Variants in LRRTM4 observed in about 807,000 individuals in gnomAD.
The protein encoded by LRRTM4 is leucine rich repeat transmembrane neuronal 4.
Under a neutral mutation model 47.6 loss-of-function variants are expected in LRRTM4, and 25 were observed. That is an observed-to-expected ratio of 0.53 (90% CI 0.38 to 0.73). The LOEUF (loss-of-function observed/expected upper bound fraction) is 0.73. Ranked by LOEUF, LRRTM4 falls within the 30% of genes least tolerant of loss-of-function variation. LRRTM4 has a pLI of 0.00. For synonymous variants in LRRTM4, 311 were observed against 269.5 expected (o/e 1.15, Z -1.51); for missense variants, 638 against 713.4 (o/e 0.89, Z 1.20).
At chr2:77,520,553 G>A (rs1312198674) in intron 2 of LRRTM4, among the ~76,000 whole-genome samples, 1 of 152,054 alleles carries the variant, frequency 6.6e-6, no homozygotes, top group Non-Finnish European at 1.5e-5. Context: ...CGATACAGGA[G>A]CTAAGACATC....
chr2:77,142,457 ACTT>A (rs1198501968), intron 3 of LRRTM4, among the ~76,000 whole-genome samples: 2 of 146,758 alleles, frequency 1.4e-5, no homozygotes, highest in East Asian at 4.1e-4. Context: ...ACACACACAC[ACTT>A]ATCTCAAAGG....
At chr2:76,840,670 C>T (rs989538314) in intron 3 of LRRTM4, among the ~76,000 whole-genome samples, 4 of 152,130 alleles carry the variant, frequency 2.6e-5, no homozygotes, top group African/African-American at 4.8e-5. Flanking sequence ...ATCATTTCTC[C>T]ACTTTGTATG....
At chr2:77,161,481 A>G (rs1166677198) in intron 3 of LRRTM4, among the ~76,000 whole-genome samples, 2 of 152,116 alleles carry the variant, frequency 1.3e-5, no homozygotes, top group Non-Finnish European at 2.9e-5. Context: ...ACTCTTCTTT[A>G]TAGTGATACT....
intron 3 of LRRTM4, among the ~76,000 whole-genome samples, chr2:76,801,676 A>T (rs4340547): frequency 0.3 from 44,699 of 151,264 alleles, 7,580 homozygotes; most frequent in East Asian, 0.57. Flanking sequence ...AAAAAAAAAG[A>T]AAAGTACAGG....
intron 3 of LRRTM4, among the ~76,000 whole-genome samples, chr2:76,825,833 A>T (rs191661046): frequency 1.4e-4 from 22 of 151,794 alleles, no homozygotes; most frequent in Non-Finnish European, 3.0e-5. Context: ...AAAGTGCTGG[A>T]AAAGAAAAAT....
chr2:77,283,467 T>C (rs1676561450), intron 3 of LRRTM4, among the ~76,000 whole-genome samples: 1 of 151,286 alleles, frequency 6.6e-6, no homozygotes, highest in Non-Finnish European at 1.5e-5. Flanking sequence ...ATCCCATTAC[T>C]GTGTATGTAT....
At chr2:77,190,993 T>C (rs1673654558) in intron 3 of LRRTM4, among the ~76,000 whole-genome samples, 4 of 152,160 alleles carry the variant, frequency 2.6e-5, no homozygotes. Context: ...ATTAGGTTGG[T>C]GTGAAATTAA....
At chr2:77,149,333 T>C (rs1250380040) in intron 3 of LRRTM4, among the ~76,000 whole-genome samples, 6 of 152,148 alleles carry the variant, frequency 3.9e-5, no homozygotes, top group African/African-American at 1.4e-4. Context: ...AATTTGTATG[T>C]TGTTGCTACT....
At chr2:77,463,940 T>C (rs1386188137) in intron 3 of LRRTM4, among the ~76,000 whole-genome samples, 1 of 152,140 alleles carries the variant, frequency 6.6e-6, no homozygotes, top group African/African-American at 2.4e-5. Flanking sequence ...TAGTTAACAA[T>C]TTTTTGAGTA....
chr2:77,264,146 G>C (rs78868870), intron 3 of LRRTM4, among the ~76,000 whole-genome samples: 6,424 of 152,094 alleles, frequency 0.042, 237 homozygotes, highest in African/African-American at 0.1. Flanking sequence ...AGAATGGGTG[G>C]CTTCAACAAC....
intron 3 of LRRTM4, among the ~76,000 whole-genome samples, chr2:76,941,739 T>C (rs1675150167): frequency 6.6e-6 from 1 of 152,222 alleles, no homozygotes; most frequent in South Asian, 2.1e-4. Flanking sequence ...TGGTTCCAAG[T>C]CTTTGCTATT....
chr2:77,234,506 T>C (rs536809769), intron 3 of LRRTM4, among the ~76,000 whole-genome samples: 19 of 152,316 alleles, frequency 1.2e-4, no homozygotes, highest in Admixed American at 2.0e-4. Context: ...TTAACAAGTA[T>C]ATTAAAAATT....
Position 77,388,161 on chromosome 2 carries a change from TA to T in LRRTM4, c.1551+130156del, listed in dbSNP as rs932431264. 7.5e-4 allele frequency among the ~76,000 whole-genome samples: 110 copies of T among 147,280 alleles called. 1 individual carries two copies. The highest frequency in any genetic ancestry group is 3.4e-3 in the Middle Eastern group (1 of 290). On this transcript the variant is annotated intron_variant, in intron 3 of 3. Transcript: ENST00000409884. ...AAGTCAGATTAGTTACTTCAATCTT[TA>T]AAAAAAAAAAAAAGTCAGGGTTCCT...
At chr2:77,194,557 C>T (rs920054384) in intron 3 of LRRTM4, among the ~76,000 whole-genome samples, 2 of 152,156 alleles carry the variant, frequency 1.3e-5, no homozygotes, top group Non-Finnish European at 2.9e-5. Flanking sequence ...ATCAAGTACT[C>T]AAACATCAAC....
chr2:77,293,826 C>T (rs1676896127), intron 3 of LRRTM4, among the ~76,000 whole-genome samples: 3 of 152,088 alleles, frequency 2.0e-5, no homozygotes, highest in Non-Finnish European at 2.9e-5. Flanking sequence ...AAGCCCTGGA[C>T]CCTCATAATG....
intron 3 of LRRTM4, among the ~76,000 whole-genome samples, chr2:76,836,394 T>C (rs965471330): frequency 6.6e-6 from 1 of 152,160 alleles, no homozygotes; most frequent in Non-Finnish European, 1.5e-5. Flanking sequence ...TTTCTTGTTT[T>C]ATTTTGATCA....
Position 77,206,711 on chromosome 2 carries a change from T to C in LRRTM4, c.1551+311607A>G, listed in dbSNP as rs181228489. On this transcript the variant is annotated intron_variant, in intron 3 of 3. Coordinates refer to ENST00000409884, the MANE Select transcript of LRRTM4 (RefSeq NM_001134745.3). ...GTTGGCCAGGCTGGTCTCGAAATTCTGGCCTCAAGTAATCCATCTACTTTG... is the reference window on the plus strand; with the variant it reads ...GTTGGCCAGGCTGGTCTCGAAATTCCGGCCTCAAGTAATCCATCTACTTTG... Among the ~76,000 whole-genome samples the C allele has an allele frequency of 3.0e-3, 454 of 152,208 alleles. 2 individuals carry two copies. The highest frequency in any genetic ancestry group is 4.8e-3 in the Non-Finnish European group (326 of 68,004).
intron 3 of LRRTM4, among the ~76,000 whole-genome samples, chr2:77,082,416 T>C (rs1680562179): frequency 6.6e-6 from 1 of 151,966 alleles, no homozygotes; most frequent in South Asian, 2.1e-4. Flanking sequence ...AGTTGTGTCA[T>C]AGAAACAAAT....
intron 3 of LRRTM4, among the ~76,000 whole-genome samples, chr2:76,997,237 T>C (rs1677234858): frequency 6.6e-6 from 1 of 152,164 alleles, no homozygotes; most frequent in South Asian, 2.1e-4. Flanking sequence ...TAGAAGTGAA[T>C]TTTTACTTTC....
Sources: allele counts gnomAD v4.1 joint callset (sites outside exome capture counted in the v4.1 genomes callset), GRCh38; gene constraint gnomAD v4.1.1; transcripts MANE v1.5; gene names NCBI Gene and HGNC (gene_info 2026-07-23, HGNC 2026-07-21).